The following RASSF4 variants were observed in gnomAD, a reference collection of about 807,000 sequenced individuals.
RASSF4 encodes Ras association domain family member 4, also known as ras association domain-containing protein 4.
RASSF4 carries 38 observed loss-of-function variants against 41.1 expected under a neutral mutation model. The observed-to-expected ratio is 0.92, with a 90% CI of 0.71 to 1.21. RASSF4 has a LOEUF of 1.21. RASSF4 is among the 50% of genes most tolerant of loss of function. The probability of loss-of-function intolerance (pLI) is 0.00; values close to 1 mark genes in which losing one functional copy is unlikely to be tolerated. For missense variants in RASSF4, 414 were observed against 419.4 expected (o/e 0.99, Z 0.11); for synonymous variants, 179 against 163.4 (o/e 1.10, Z -0.73).
chr10:44,983,543 C>A (rs1841800429), intron 4 of RASSF4: 1 of 178,328 alleles, frequency 5.6e-6, no homozygotes, highest in Non-Finnish European at 1.2e-5. Context: ...AGGGCTGTGC[C>A]CCATCATACC....
At position 44,990,952 on chromosome 10, in the gene RASSF4, G is replaced by C; in HGVS notation, c.690G>C (p.Arg230=). 1 of 1,611,612 alleles carries C rather than the reference G, an allele frequency of 6.2e-7. No homozygotes were observed. Among genetic ancestry groups the C allele is most frequent in the South Asian group, 1.1e-5 (1 of 91,014 alleles). ...GTAAACCACCTTCTTTTTCAGAGCG[G>C]ACAAAATTAAAAGACTGCGAGTACC... ...ALYIVHESGE[R]TKLKDCEYPL... is the part of the protein sequence containing the mutation. The change falls in exon 9 of 11, where the codon CGG becomes CGC. Residue 230 remains arginine, a synonymous_variant. Transcript: ENST00000340258.
At chr10:44,977,091 G>A (rs1462141385) in intron 3 of RASSF4, 1 of 279,144 alleles carries the variant, frequency 3.6e-6, no homozygotes, top group Non-Finnish European at 6.7e-6. Flanking sequence ...TGGGAGGCAG[G>A]TGCCAGTAAT....
intron 4 of RASSF4, 62 bp downstream of exon 4, chr10:44,982,725 C>T (rs1157729455): frequency 9.6e-6 from 15 of 1,561,592 alleles, no homozygotes; most frequent in South Asian, 7.0e-5. Context: ...GGGGATATCC[C>T]GAGCCTCAGG....
chr10:44,990,714 T>A (rs1842077108), intron 8 of RASSF4: 5 of 390,518 alleles, frequency 1.3e-5, no homozygotes, highest in Admixed American at 7.6e-5. Flanking sequence ...TATCTTCTTC[T>A]TCTCAATTGC....
intron 1 of RASSF4, among the ~76,000 whole-genome samples, chr10:44,966,092 T>G (rs957358452): frequency 2.6e-5 from 4 of 152,210 alleles, no homozygotes; most frequent in Non-Finnish European, 5.9e-5. Context: ...ATTTTCTATT[T>G]GAACAAAGAG....
chr10:44,992,665 G>A (rs533364497), intron 10 of RASSF4, among the ~76,000 whole-genome samples: 5 of 152,314 alleles, frequency 3.3e-5, no homozygotes, highest in Admixed American at 6.5e-5. Flanking sequence ...CAGCTAGGAA[G>A]GAAAGGGCAG....
chr10:44,977,830 G>A (rs1172068982), intron 3 of RASSF4: 1 of 1,606,160 alleles, frequency 6.2e-7, no homozygotes, highest in Admixed American at 1.7e-5. Context: ...GGGCTGGCCT[G>A]TGGGGTGGCC....
intron 3 of RASSF4, chr10:44,977,890 C>T (rs1183155354): frequency 6.2e-7 from 1 of 1,612,540 alleles, no homozygotes; most frequent in East Asian, 2.2e-5. Flanking sequence ...TGGGCTGTGC[C>T]AGTCGAGATA....
intron 10 of RASSF4, 138 bp downstream of exon 10, chr10:44,992,140 G>A (rs1842138065): frequency 1.6e-6 from 1 of 609,268 alleles, no homozygotes; most frequent in Non-Finnish European, 2.9e-6. Flanking sequence ...GCTAACCCTA[G>A]CTCCCCAGCA....
intron 6 of RASSF4, among the ~76,000 whole-genome samples, chr10:44,988,665 A>G (rs1379342131): frequency 6.6e-6 from 1 of 152,250 alleles, no homozygotes; most frequent in African/African-American, 2.4e-5. Context: ...CTTGTGTTCT[A>G]CAGACGCAGA....
In RASSF4 at chr10:44,984,111, C is replaced by G. The variant is rs774513970; in HGVS notation, c.371C>G (p.Ser124Trp). ...VHKAESSTDS[S>W]GPLEEAEEAP... ...AAGGCTGAGAGTTCCACAGACAGCT[C>G]GGGTAAGCGGAGCCCGCAAGCTGCC... The change falls in exon 5 of 11, where the codon TCG becomes TGG. Residue 124 changes from serine (S) to tryptophan (W), a missense_variant and splice_region_variant. By Grantham distance (177) the Ser-to-Trp change is radical. Coordinates refer to ENST00000340258, the MANE Select transcript of RASSF4 (RefSeq NM_032023.4). 6.3e-7 allele frequency: 1 copy of G among 1,597,742 alleles called. No individual in the cohort carries two copies.
Position 44,982,922 on chromosome 10 carries a change from C to A in RASSF4, c.281+259C>A, listed in dbSNP as rs566892306. 2.5e-5 allele frequency: 17 copies of A among 685,118 alleles called. 1 individual carries two copies. The highest frequency in any genetic ancestry group is 4.4e-5 in the Non-Finnish European group (16 of 365,270). 42.4% of individuals were successfully genotyped at this position (685,118 alleles called of 1,614,324 possible). ...ACCTTCCTGCAAGCCACCTTGCTGGCAAGAAGGGACGACTACAGCCAGGGG... is the reference window on the plus strand; with the variant it reads ...ACCTTCCTGCAAGCCACCTTGCTGGAAAGAAGGGACGACTACAGCCAGGGG... On this transcript the variant is annotated intron_variant, in intron 4 of 10. Coordinates refer to ENST00000340258, the MANE Select transcript of RASSF4 (RefSeq NM_032023.4).
At chr10:44,991,862 G>C (rs1356108170) in intron 9 of RASSF4, 43 bp from the exon 10 acceptor site, 3 of 1,346,010 alleles carry the variant, frequency 2.2e-6, no homozygotes, top group Non-Finnish European at 3.2e-6. Flanking sequence ...CATACTTTTG[G>C]CTTCGAATTT....
At chr10:44,970,874 A>T (rs907913484) in intron 2 of RASSF4, 1 of 155,004 alleles carries the variant, frequency 6.5e-6, no homozygotes, top group African/African-American at 2.4e-5. Context: ...GTGGTGCCAC[A>T]CACTTTTAAA....
intron 4 of RASSF4, chr10:44,983,811 C>A: frequency 1.3e-6 from 1 of 761,440 alleles, no homozygotes; most frequent in Non-Finnish European, 2.0e-6. Context: ...CAGGGCCAGG[C>A]TCACTCTCCG....
chr10:44,977,575 G>A (rs1351285417), intron 3 of RASSF4: 7 of 1,613,448 alleles, frequency 4.3e-6, no homozygotes, highest in Non-Finnish European at 5.9e-6. Flanking sequence ...TGGCTTCACA[G>A]AGCCTCCCTC....
Position 44,984,910 on chromosome 10 carries a change from T to C in RASSF4, c.471T>C (p.Gly157=). The C allele has an allele frequency of 6.2e-7, 1 of 1,613,452 alleles. No homozygotes were observed. Among genetic ancestry groups the C allele is most frequent in the Non-Finnish European group, 8.5e-7 (1 of 1,179,992 alleles). Residue 157 remains glycine, a synonymous_variant, in exon 6 of 11, where the codon GGT becomes GGC. Coordinates refer to ENST00000340258, the MANE Select transcript of RASSF4 (RefSeq NM_032023.4). ...GGAGGCCCAAGTGCCGCGCCCCCGGTGAGGCCCAGCGCATCCGGCGACACC... is the reference window on the plus strand; with the variant it reads ...GGAGGCCCAAGTGCCGCGCCCCCGGCGAGGCCCAGCGCATCCGGCGACACC... ...SQRRPKCRAP[G]EAQRIRRHRF... is the part of the protein sequence containing the mutation.
chr10:44,978,114 C>A, intron 3 of RASSF4: 2 of 1,480,136 alleles, frequency 1.4e-6, no homozygotes, highest in Non-Finnish European at 9.2e-7. Context: ...CGCCCCTCAG[C>A]GTCACCACAC....
At chr10:44,987,014 A>G (rs1349371876) in intron 6 of RASSF4, among the ~76,000 whole-genome samples, 1 of 152,226 alleles carries the variant, frequency 6.6e-6, no homozygotes, top group East Asian at 1.9e-4. Flanking sequence ...GTTGGTTGGT[A>G]TCATCTTGAG....
Sources: gnomAD v4.1 joint callset for allele counts (sites outside exome capture counted in the v4.1 genomes callset) on GRCh38, gnomAD v4.1.1 for gene constraint, MANE v1.5 for transcripts, NCBI Gene and HGNC (gene_info 2026-07-23, HGNC 2026-07-21) for gene names.